The following PHF8 variants were observed in gnomAD, a reference collection of about 807,000 sequenced individuals.
The protein encoded by PHF8 is histone lysine demethylase PHF8.
Under a neutral mutation model 74.4 loss-of-function variants are expected in PHF8, and 9 were observed. The ratio of observed to expected loss-of-function variants is 0.12; its 90% CI spans 0.07 to 0.21. PHF8 has a LOEUF of 0.21. Among genes scored for constraint, PHF8 ranks in the 10% least tolerant of loss-of-function variants. PHF8 has a pLI of 1.00. For synonymous variants in PHF8, 311 were observed against 316.6 expected (o/e 0.98, Z 0.19); for missense variants, 478 against 816.6 (o/e 0.59, Z 5.05).
chrX:54,008,391 AAAAG>A (rs2065929198), intron 8 of PHF8, among the ~76,000 whole-genome samples: 4 of 105,892 alleles, frequency 3.8e-5, no homozygotes, highest in African/African-American at 1.4e-4. Flanking sequence ...AAAAAAAAAA[AAAAG>A]ATGCACTCGC....
At chrX:54,030,159 A>G (rs1452687839) in intron 2 of PHF8, among the ~76,000 whole-genome samples, 1 of 111,319 alleles carries the variant, frequency 9.0e-6, no homozygotes, top group Non-Finnish European at 1.9e-5. Flanking sequence ...TGTCCCCACT[A>G]CATTTGCCAG....
chrX:53,967,353 C>T (rs1473378582), intron 18 of PHF8, among the ~76,000 whole-genome samples: 27 of 104,846 alleles, frequency 2.6e-4, no homozygotes, highest in Non-Finnish European at 4.0e-4. Flanking sequence ...CCGCCCCGTC[C>T]GGGAGGGAGG....
chrX:53,997,195 G>A (rs1456091969), intron 11 of PHF8, among the ~76,000 whole-genome samples: 1 of 111,768 alleles, frequency 8.9e-6, no homozygotes, highest in Non-Finnish European at 1.9e-5. Flanking sequence ...GTGCTGAGCA[G>A]CTGCTGGCCC....
chrX:54,042,052 C>T (rs1557116012), intron 2 of PHF8, among the ~76,000 whole-genome samples: 1 of 111,712 alleles, frequency 9.0e-6, no homozygotes, highest in Non-Finnish European at 1.9e-5. Flanking sequence ...CCTGTAATCC[C>T]AGCACTTTGG....
At position 53,987,072 on chromosome X, in the gene PHF8, T is replaced by A; in HGVS notation, c.1995+6A>T. 5.3e-6 allele frequency: 6 copies of A among 1,139,690 alleles called. No individual in the cohort carries two copies. The highest frequency in any genetic ancestry group is 7.2e-6 in the Non-Finnish European group (6 of 829,827). 93.9% of individuals were successfully genotyped at this position (1,139,690 alleles called of 1,213,427 possible). ...GCAGAAGACTAGATCCAGGGCAGAA[T>A]CCTACCTCAATGTCAAACTCAACTT... On this transcript the variant is annotated splice_donor_region_variant and intron_variant, in intron 16 of 21. Coordinates refer to ENST00000338154, the MANE Select transcript of PHF8 (RefSeq NM_015107.3).
At chrX:53,972,872 T>C (rs2065316530) in intron 18 of PHF8, among the ~76,000 whole-genome samples, 1 of 111,687 alleles carries the variant, frequency 9.0e-6, no homozygotes, top group Admixed American at 9.6e-5. Context: ...TGTTTTCAGA[T>C]GACATGATCC....
At chrX:53,943,867 C>T (rs183827760) in intron 20 of PHF8, among the ~76,000 whole-genome samples, 1 of 111,642 alleles carries the variant, frequency 9.0e-6, no homozygotes, top group Non-Finnish European at 1.9e-5. Context: ...TTTTACACAC[C>T]AAAAAAGGTA....
intron 8 of PHF8, among the ~76,000 whole-genome samples, chrX:54,008,337 T>C (rs2065927300): frequency 2.3e-5 from 2 of 87,780 alleles, no homozygotes; most frequent in African/African-American, 9.2e-5. Flanking sequence ...ACTGCACCAC[T>C]GCACTCCAGC....
intron 2 of PHF8, among the ~76,000 whole-genome samples, chrX:54,024,452 C>T (rs1235416470): frequency 4.5e-5 from 5 of 111,986 alleles, no homozygotes; most frequent in Non-Finnish European, 7.5e-5. Context: ...TCTCATACCC[C>T]TGTTCCCTCT....
intron 18 of PHF8, among the ~76,000 whole-genome samples, chrX:53,972,321 CAAA>C (rs1236817498): frequency 1.2e-4 from 4 of 34,161 alleles, no homozygotes; most frequent in Middle Eastern, 0.022. Flanking sequence ...GACGCTGTCT[CAAA>C]AAAAAAAAAA....
At chrX:54,020,660 G>A (rs1368236506) in intron 4 of PHF8, among the ~76,000 whole-genome samples, 2 of 111,890 alleles carry the variant, frequency 1.8e-5, no homozygotes, top group Non-Finnish European at 3.8e-5. Flanking sequence ...AACCTGAGGA[G>A]TCCAGAGTAG....
upstream of PHF8, among the ~76,000 whole-genome samples, chrX:54,047,413 T>C (rs1344753556): frequency 9.0e-6 from 1 of 111,520 alleles, no homozygotes; most frequent in Non-Finnish European, 1.9e-5. Flanking sequence ...CAGGTGTGTG[T>C]GGAACATTAA....
intron 3 of PHF8, 130 bp from the exon 4 acceptor site, chrX:54,022,497 C>A (rs1603339718): frequency 3.7e-6 from 2 of 546,288 alleles, no homozygotes; most frequent in Non-Finnish European, 6.5e-6. Flanking sequence ...CAATGAGGCC[C>A]TCACAGATTC....
intron 18 of PHF8, among the ~76,000 whole-genome samples, chrX:53,972,491 C>T (rs782404052): frequency 4.2e-4 from 47 of 111,018 alleles, no homozygotes; most frequent in Admixed American, 8.7e-4. Flanking sequence ...AAAGTTGGTT[C>T]AACATATGCA....
rs190774921 is a variant in PHF8, at chrX:54,014,366, C to T, written c.783+11G>A. On this transcript the variant is annotated intron_variant, in intron 7 of 21. Transcript: ENST00000338154. ...GGCCTGGCTGCCTCCAGAAGCCATG[C>T]GCATTCCTACCTTGAGTACATGGTA... The T allele has an allele frequency of 1.5e-3, 1,782 of 1,189,882 alleles. 1 individual carries two copies. The highest frequency in any genetic ancestry group is 1.8e-3 in the Non-Finnish European group (1,598 of 876,930).
At chrX:53,984,369 AAAAACAAAAC>A (rs782234845) in intron 18 of PHF8, among the ~76,000 whole-genome samples, 1 of 112,152 alleles carries the variant, frequency 8.9e-6, no homozygotes. Context: ...CTGTCTCAAA[AAAAACAAAAC>A]AAAACAAAAC....
intron 19 of PHF8, among the ~76,000 whole-genome samples, chrX:53,945,150 C>T (rs1018148204): frequency 9.1e-6 from 1 of 110,431 alleles, no homozygotes; most frequent in Non-Finnish European, 1.9e-5. Context: ...TCAAGACCAT[C>T]CTGGCTAACA....
chrX:53,953,394 A>G (rs1201523595), intron 19 of PHF8, among the ~76,000 whole-genome samples: 2 of 109,450 alleles, frequency 1.8e-5, no homozygotes, highest in African/African-American at 6.6e-5. Context: ...TAATTCCAGC[A>G]CTTTGGGAGG....
intron 19 of PHF8, among the ~76,000 whole-genome samples, chrX:53,947,568 T>C (rs978655556): frequency 9.8e-5 from 11 of 112,335 alleles, no homozygotes; most frequent in African/African-American, 3.6e-4. Flanking sequence ...TTTTATATTG[T>C]TCTCTATAGT....
Sources: gnomAD v4.1 joint callset for allele counts (sites outside exome capture counted in the v4.1 genomes callset) on GRCh38, gnomAD v4.1.1 for gene constraint, MANE v1.5 for transcripts, NCBI Gene and HGNC (gene_info 2026-07-23, HGNC 2026-07-21) for gene names.